The following PARD3B variants were observed in gnomAD, a reference collection of about 807,000 sequenced individuals.
PARD3B encodes the protein partitioning defective 3 homolog B.
Under a neutral mutation model 130.2 loss-of-function variants are expected in PARD3B, and 103 were observed. The observed-to-expected ratio is 0.79, with a 90% CI of 0.67 to 0.93. The LOEUF (loss-of-function observed/expected upper bound fraction) is 0.93. PARD3B is among the 40% of genes least tolerant of loss of function. PARD3B has a pLI of 0.00. For missense variants in PARD3B, 1,609 were observed against 1,499.2 expected, an observed-to-expected ratio of 1.07 and a Z score of -1.21; for synonymous variants, 583 against 553.2, an observed-to-expected ratio of 1.05 and a Z score of -0.76.
chr2:204,595,943 A>G (rs918098383), intron 1 of PARD3B, among the ~76,000 whole-genome samples: 13 of 152,220 alleles, frequency 8.5e-5, no homozygotes, highest in Non-Finnish European at 1.6e-4. Context: ...TTTTTGAGCA[A>G]CTGATTATTT....
rs147742941 is a variant in PARD3B at position 204,876,747 on chromosome 2, G to T, written c.223-88405G>T. On this transcript the variant is annotated intron_variant, in intron 2 of 22. Coordinates refer to ENST00000406610, the MANE Select transcript of PARD3B (RefSeq NM_001302769.2). ...TATTGGGTTTTAAGTTGTATTAAAG[G>T]TATATTTTACCAGTAGGGGCCTCTG... Among the ~76,000 whole-genome samples the T allele has an allele frequency of 4.4e-3, 673 of 152,204 alleles. 5 individuals carry two copies. The highest frequency in any genetic ancestry group is 0.041 in the Middle Eastern group (12 of 294).
chr2:205,489,508 T>C (rs1165672464), intron 20 of PARD3B, among the ~76,000 whole-genome samples: 2 of 143,500 alleles, frequency 1.4e-5, no homozygotes, highest in Non-Finnish European at 3.0e-5. Flanking sequence ...TATATATATA[T>C]ACGTATATAT....
chr2:205,418,261 A>ATTTG (rs770995168), intron 19 of PARD3B, among the ~76,000 whole-genome samples: 2 of 152,114 alleles, frequency 1.3e-5, no homozygotes, highest in Non-Finnish European at 2.9e-5. Flanking sequence ...CACTTAGAGG[A>ATTTG]TTTGGGTAGA....
intron 22 of PARD3B, among the ~76,000 whole-genome samples, chr2:205,611,349 C>T (rs757861529): frequency 9.9e-5 from 15 of 152,136 alleles, no homozygotes; most frequent in African/African-American, 3.1e-4. Context: ...TTCATCCTTG[C>T]GTAAACTGAA....
intron 4 of PARD3B, among the ~76,000 whole-genome samples, chr2:205,063,779 C>T (rs1700196204): frequency 6.6e-6 from 1 of 152,056 alleles, no homozygotes; most frequent in African/African-American, 2.4e-5. Context: ...ATGTACATAT[C>T]TTGGATAAGG....
intron 10 of PARD3B, among the ~76,000 whole-genome samples, chr2:205,151,714 C>T (rs1363452948): frequency 6.6e-6 from 1 of 152,106 alleles, no homozygotes; most frequent in Admixed American, 6.6e-5. Flanking sequence ...GACTCTTCAT[C>T]CAATTTACCA....
chr2:205,311,418 G>C (rs895353806), intron 18 of PARD3B, among the ~76,000 whole-genome samples: 7 of 152,116 alleles, frequency 4.6e-5, no homozygotes, highest in African/African-American at 7.2e-5. Context: ...GATGATTCGT[G>C]ATATCACTGA....
chr2:205,028,296 G>T (rs945989155), intron 3 of PARD3B, among the ~76,000 whole-genome samples: 1 of 151,984 alleles, frequency 6.6e-6, no homozygotes, highest in Admixed American at 6.6e-5. Context: ...CACATTAACA[G>T]AATGAAAGAT....
At chr2:204,877,534 G>T (rs1179560507) in intron 2 of PARD3B, among the ~76,000 whole-genome samples, 1 of 152,074 alleles carries the variant, frequency 6.6e-6, no homozygotes, top group East Asian at 1.9e-4. Flanking sequence ...TAACTATAAG[G>T]TCCTGGAACC....
At chr2:204,650,142 C>G (rs1023061787) in intron 1 of PARD3B, among the ~76,000 whole-genome samples, 2 of 152,044 alleles carry the variant, frequency 1.3e-5, no homozygotes, top group African/African-American at 4.8e-5. Flanking sequence ...AGCAAACAAG[C>G]ATATTAAAGC....
intron 1 of PARD3B, among the ~76,000 whole-genome samples, chr2:204,652,394 T>G (rs2035510111): frequency 6.6e-6 from 1 of 152,160 alleles, no homozygotes; most frequent in Admixed American, 6.5e-5. Context: ...AGTTCAAAGT[T>G]TCTAGGGCAG....
chr2:204,559,710 A>G (rs959438988), intron 1 of PARD3B, among the ~76,000 whole-genome samples: 1 of 152,238 alleles, frequency 6.6e-6, no homozygotes, highest in African/African-American at 2.4e-5. Context: ...AGGATTATAA[A>G]TCATGCTGCT....
At chr2:205,250,292 A>C (rs1408260480) in intron 16 of PARD3B, among the ~76,000 whole-genome samples, 5 of 151,864 alleles carry the variant, frequency 3.3e-5, no homozygotes, top group Admixed American at 6.6e-5. Context: ...CTGTCTGCAG[A>C]GATCTTTGCT....
intron 2 of PARD3B, among the ~76,000 whole-genome samples, chr2:204,772,491 C>G (rs1253433984): frequency 5.3e-5 from 8 of 151,998 alleles, no homozygotes; most frequent in Non-Finnish European, 1.2e-4. Context: ...TGGTTTTAAT[C>G]AAATATTTTG....
intron 18 of PARD3B, among the ~76,000 whole-genome samples, chr2:205,347,419 T>A (rs1198714308): frequency 6.6e-6 from 1 of 152,230 alleles, no homozygotes; most frequent in Non-Finnish European, 1.5e-5. Flanking sequence ...GTAAACATGG[T>A]TAAGCTAACC....
rs1259347181 is a variant in PARD3B at position 205,052,417 on chromosome 2, ATG to A, written c.504+4729_504+4730del. On this transcript the variant is annotated intron_variant, in intron 4 of 22. Transcript: ENST00000406610. ...AAGTCCATGTGTATTTTATATATAT[ATG>A]TATATATATATATATATATATATAT... Among the ~76,000 whole-genome samples the A allele has an allele frequency of 1.1e-3, 68 of 59,940 alleles. 2 individuals carry two copies. In the South Asian group the frequency reaches 0.029, roughly 25 times the overall value. 39.3% of individuals were successfully genotyped at this position (59,940 alleles called of 152,430 possible).
At chr2:204,672,352 A>G (rs778394763) in intron 1 of PARD3B, among the ~76,000 whole-genome samples, 5 of 152,180 alleles carry the variant, frequency 3.3e-5, no homozygotes, top group Non-Finnish European at 7.3e-5. Flanking sequence ...ATTAATGTCA[A>G]TGAATGTGTC....
chr2:205,550,951 A>ATGTGTG lies in PARD3B; in HGVS notation c.3181-2368_3181-2367insGTGTGT, dbSNP rs369139099. Among the ~76,000 whole-genome samples the ATGTGTG allele has an allele frequency of 0.039, 2,990 of 77,138 alleles. 72 individuals are homozygous for ATGTGTG. The highest frequency in any genetic ancestry group is 0.11 in the South Asian group (262 of 2,396). 50.6% of individuals were successfully genotyped at this position (77,138 alleles called of 152,430 possible). A position where few individuals can be genotyped will look rare whatever the true frequency, so the allele number is the denominator to read the frequency against. ...TGTGTGTGTGTGTGTGTATATATATATGTGTATATATATATATATATATAT... is the reference window on the plus strand; with the variant it reads ...TGTGTGTGTGTGTGTGTATATATATATGTGTGTGTGTATATATATATATATATATAT... On this transcript the variant is annotated intron_variant, in intron 21 of 22. Transcript: ENST00000406610. This position sits in a 1 kb window ranked among gnomAD's most constrained non-coding sequence, Gnocchi z 4.5.
At chr2:204,814,394 C>T (rs2043069561) in intron 2 of PARD3B, among the ~76,000 whole-genome samples, 1 of 151,380 alleles carries the variant, frequency 6.6e-6, no homozygotes, top group African/African-American at 2.4e-5. Flanking sequence ...ATATATAACA[C>T]AAAAACTCTT....
Sources: allele counts gnomAD v4.1 joint callset (sites outside exome capture counted in the v4.1 genomes callset), GRCh38; gene constraint gnomAD v4.1.1; non-coding constraint Gnocchi (gnomAD v3.1); transcripts MANE v1.5; gene names NCBI Gene and HGNC (gene_info 2026-07-23, HGNC 2026-07-21).